The following ATG7 variants were observed in gnomAD, a reference collection of about 807,000 sequenced individuals.
ATG7 encodes autophagy related 7, also known as ubiquitin-like modifier-activating enzyme ATG7.
Under a neutral mutation model 82.4 loss-of-function variants are expected in ATG7, and 70 were observed. The ratio of observed to expected loss-of-function variants is 0.85; its 90% CI spans 0.70 to 1.04. The LOEUF (loss-of-function observed/expected upper bound fraction) is 1.04, where lower values mean the gene tolerates loss of function less well. Ranked by LOEUF, ATG7 falls within the 50% of genes least tolerant of loss-of-function variation. The pLI is 0.00. For missense variants in ATG7, 792 were observed against 864.3 expected (o/e 0.92, Z 1.05); for synonymous variants, 287 against 313.0 (o/e 0.92, Z 0.88).
intron 20 of ATG7, among the ~76,000 whole-genome samples, chr3:11,515,937 G>C (rs1378846888): frequency 1.3e-5 from 2 of 151,954 alleles, no homozygotes; most frequent in Non-Finnish European, 2.9e-5. Context: ...TTGATGGTTG[G>C]GTAGTGTGTG....
At chr3:11,560,222 C>T (rs2072858101), downstream of ATG7, among the ~76,000 whole-genome samples, 2 of 152,224 alleles carry the variant, frequency 1.3e-5, no homozygotes, top group Non-Finnish European at 2.9e-5. Flanking sequence ...TGTCCAGGTG[C>T]TCCCGTAAGA....
chr3:11,479,487 A>G (rs982633868), intron 20 of ATG7, among the ~76,000 whole-genome samples: 6 of 152,194 alleles, frequency 3.9e-5, no homozygotes, highest in African/African-American at 1.4e-4. Context: ...TCCAAAGCCC[A>G]GATATTGACC....
chr3:11,454,702 G>A (rs1183797284), intron 20 of ATG7, among the ~76,000 whole-genome samples: 1 of 152,166 alleles, frequency 6.6e-6, no homozygotes, highest in Non-Finnish European at 1.5e-5. Context: ...CTTGTTCAGG[G>A]GCAGCGTTTC....
At chr3:11,328,075 C>T (rs906067485) in intron 9 of ATG7, among the ~76,000 whole-genome samples, 2 of 152,144 alleles carry the variant, frequency 1.3e-5, no homozygotes, top group Non-Finnish European at 2.9e-5. Context: ...ATGGAGTGGA[C>T]CAGCTGCATC....
chr3:11,524,863 C>T (rs902895313), intron 20 of ATG7, among the ~76,000 whole-genome samples: 1 of 152,098 alleles, frequency 6.6e-6, no homozygotes, highest in Non-Finnish European at 1.5e-5. Flanking sequence ...TCCTGTCATC[C>T]TCCAGGTGAG....
chr3:11,505,908 C>A (rs911256783), intron 20 of ATG7, among the ~76,000 whole-genome samples: 5 of 152,154 alleles, frequency 3.3e-5, no homozygotes, highest in Non-Finnish European at 7.4e-5. Flanking sequence ...TGGAATTGAC[C>A]CCTGGCTCCA....
chr3:11,486,610 T>C (rs1002436386), intron 20 of ATG7, among the ~76,000 whole-genome samples: 1 of 151,968 alleles, frequency 6.6e-6, no homozygotes, highest in Non-Finnish European at 1.5e-5. Flanking sequence ...ATCCCTGTCT[T>C]GTGCCAGTTT....
At chr3:11,392,139 A>G (rs1302401699) in intron 19 of ATG7, among the ~76,000 whole-genome samples, 1 of 152,168 alleles carries the variant, frequency 6.6e-6, no homozygotes, top group African/African-American at 2.4e-5. Flanking sequence ...GGCTAGAGCA[A>G]CTTCTAGGTG....
intron 20 of ATG7, among the ~76,000 whole-genome samples, chr3:11,530,816 A>G (rs1470658550): frequency 6.6e-6 from 1 of 152,126 alleles, no homozygotes; most frequent in African/African-American, 2.4e-5. Context: ...CCTTGTCTCT[A>G]CTAAAAATAC....
At chr3:11,502,068 T>TCATGTAAAATAACAGTAACA (rs1420880359) in intron 20 of ATG7, among the ~76,000 whole-genome samples, 4 of 152,052 alleles carry the variant, frequency 2.6e-5, no homozygotes, top group African/African-American at 9.7e-5. Flanking sequence ...ATGTTTGCTG[T>TCATGTAAAATAACAGTAACA]CATGTAAAAT....
intron 20 of ATG7, among the ~76,000 whole-genome samples, chr3:11,490,827 C>T (rs1456550822): frequency 1.3e-5 from 2 of 152,230 alleles, no homozygotes; most frequent in Non-Finnish European, 2.9e-5. Context: ...TGTAGAGTTT[C>T]TGCTGAGACA....
chr3:11,403,805 T>C (rs1376880921), intron 19 of ATG7, among the ~76,000 whole-genome samples: 4 of 152,230 alleles, frequency 2.6e-5, no homozygotes, highest in Non-Finnish European at 5.9e-5. Context: ...TTTCAGTGGA[T>C]ATTGGTTACT....
In ATG7 at chr3:11,317,477, TTA is replaced by T. The variant is rs1949584286; in HGVS notation, c.678+1985_678+1986del. Among the ~76,000 whole-genome samples, 6 of 152,314 alleles carry T rather than the reference TTA, an allele frequency of 3.9e-5. No individual in the cohort carries two copies. The South Asian group carries it at 1.2e-3, about 32-fold the overall frequency. ...TTATGATAAGTCTGTGAAACAAGCG[TTA>T]GTTACTACCTGTGGTTAGTTAATTA... On this transcript the variant is annotated intron_variant, in intron 9 of 20. Coordinates refer to ENST00000693202, the MANE Select transcript of ATG7 (RefSeq NM_001349232.2).
At chr3:11,412,014 A>G (rs1383218322) in intron 19 of ATG7, among the ~76,000 whole-genome samples, 1 of 150,966 alleles carries the variant, frequency 6.6e-6, no homozygotes, top group African/African-American at 2.4e-5. Flanking sequence ...TATTCTGTCT[A>G]GGTCCTGCTG....
Position 11,548,136 on chromosome 3 carries a change from G to A in ATG7, c.2080-6675G>A, listed in dbSNP as rs148374298. On this transcript the variant is annotated intron_variant, in intron 20 of 20. Coordinates refer to ENST00000693202, the MANE Select transcript of ATG7 (RefSeq NM_001349232.2). ...TGAAATTACAGGCATGAGCCACCACGCTTGGACTTTTGCCACATTTTTAAA... is the reference window on the plus strand; with the variant it reads ...TGAAATTACAGGCATGAGCCACCACACTTGGACTTTTGCCACATTTTTAAA... Among the ~76,000 whole-genome samples the A allele has an allele frequency of 3.3e-3, 502 of 152,226 alleles. 2 individuals are homozygous for A. Among genetic ancestry groups the A allele is most frequent in the Middle Eastern group, 0.017 (5 of 294 alleles).
At chr3:11,385,803 A>G (rs994692807) in intron 19 of ATG7, among the ~76,000 whole-genome samples, 1 of 152,220 alleles carries the variant, frequency 6.6e-6, no homozygotes, top group Non-Finnish European at 1.5e-5. Context: ...AGCCAGAGAC[A>G]ACAAAACATG....
At chr3:11,391,177 AAGG>A (rs1431355034) in intron 19 of ATG7, among the ~76,000 whole-genome samples, 3 of 152,216 alleles carry the variant, frequency 2.0e-5, no homozygotes, top group African/African-American at 7.2e-5. Context: ...GTTGACAAAA[AAGG>A]AGGGGAACAA....
intron 18 of ATG7, among the ~76,000 whole-genome samples, chr3:11,375,058 CA>C (rs1473478676): frequency 4.9e-5 from 7 of 143,904 alleles, no homozygotes; most frequent in African/African-American, 1.8e-4. Context: ...AAAAAAAAAT[CA>C]AAAGAATTAG....
At chr3:11,440,674 C>CATTTTTTTTTTTTTTTTTTTTTTTT (rs769737485) in intron 20 of ATG7, among the ~76,000 whole-genome samples, 1 of 39,484 alleles carries the variant, frequency 2.5e-5, no homozygotes, top group Admixed American at 4.7e-4. Context: ...TCCCCATTTG[C>CATTTTTTTTTTTTTTTTTTTTTTTT]TTTTTTTTTT....
Sources: allele counts gnomAD v4.1 joint callset (sites outside exome capture counted in the v4.1 genomes callset), GRCh38; gene constraint gnomAD v4.1.1; transcripts MANE v1.5; gene names NCBI Gene and HGNC (gene_info 2026-07-23, HGNC 2026-07-21).